The following TSBP1 variants were observed in gnomAD, a reference collection of about 807,000 sequenced individuals.
TSBP1 encodes testis expressed basic protein 1.
Under a neutral mutation model 68.8 loss-of-function variants are expected in TSBP1, and 56 were observed. The ratio of observed to expected loss-of-function variants is 0.81; its 90% CI spans 0.66 to 1.02. The LOEUF (loss-of-function observed/expected upper bound fraction) is 1.02, where lower values mean the gene tolerates loss of function less well. Ranked by LOEUF, TSBP1 falls within the 50% of genes least tolerant of loss-of-function variation. The pLI is 0.00. For synonymous variants in TSBP1, 171 were observed against 208.7 expected (o/e 0.82, Z 1.56); for missense variants, 502 against 641.2 (o/e 0.78, Z 2.34).
chr6:32,330,605 T>C, exon 16 of TSBP1: 1 of 1,603,378 alleles, frequency 6.2e-7, no homozygotes, highest in East Asian at 2.2e-5. Context: ...ATCCAGGATA[T>C]TGTACTAAAA....
chr6:32,303,045 A>G (rs910875429), intron 19 of TSBP1, among the ~76,000 whole-genome samples: 3 of 152,152 alleles, frequency 2.0e-5, no homozygotes, highest in African/African-American at 7.2e-5. Context: ...TCTCTCTTAT[A>G]GCTTCTTTTT....
In TSBP1 at chr6:32,302,170, T is replaced by G. The variant is rs1456991253; in HGVS notation, c.601+439A>C. Among the ~76,000 whole-genome samples the G allele has an allele frequency of 6.6e-6, 1 of 152,186 alleles. No homozygotes were observed. The highest frequency in any genetic ancestry group is 1.9e-4 in the East Asian group (1 of 5,176). On this transcript the variant is annotated intron_variant, in intron 20 of 22. Transcript: ENST00000612031. The surrounding 1 kb of genome is among the most constrained non-coding windows in gnomAD (Gnocchi z 5.1). ...TAAGGCTTATAAAATTTAAAATATT[T>G]GGCTGGGCATGGTGGCTTATACCTG...
chr6:32,339,634 A>G (rs1490803713), exon 10 of TSBP1: 2 of 1,209,796 alleles, frequency 1.7e-6, no homozygotes, highest in South Asian at 1.3e-5. Context: ...AACATTTTAT[A>G]CTACCTATAA....
chr6:32,324,294 T>G, intron 16 of TSBP1: 1 of 320,900 alleles, frequency 3.1e-6, no homozygotes, highest in South Asian at 3.5e-5. Context: ...GAGGTTCAAA[T>G]GAAAAAGGGT....
chr6:32,341,174 T>C (rs1770305859), intron 9 of TSBP1, among the ~76,000 whole-genome samples: 1 of 152,196 alleles, frequency 6.6e-6, no homozygotes, highest in Non-Finnish European at 1.5e-5. Context: ...GGAAGGTATT[T>C]ACTTGTTGCC....
In TSBP1 at chr6:32,357,302, C is replaced by CAA. The variant is rs1200742824; in HGVS notation, c.218-1634_218-1633insTT. Among the ~76,000 whole-genome samples the CAA allele has an allele frequency of 2.6e-5, 4 of 152,108 alleles. No individual in the cohort carries two copies. The highest frequency in any genetic ancestry group is 5.9e-5 in the Non-Finnish European group (4 of 67,998). On this transcript the variant is annotated intron_variant, in intron 6 of 22. Coordinates refer to ENST00000612031, the Ensembl canonical transcript of TSBP1. This position sits in a 1 kb window ranked among gnomAD's most constrained non-coding sequence, Gnocchi z 4.7. The stretch of plus-strand genomic sequence containing the variant: ...AAGATACTAAGATTGTAGGCTTGTA[C>CAA]ACTAAAGATCTGTAAACAGGAAATT...
At position 32,368,541 on chromosome 6, in the gene TSBP1, C is replaced by T. The variant is rs375774589; in HGVS notation, c.133+241G>A. On this transcript the variant is annotated intron_variant, in intron 3 of 22. Transcript: ENST00000612031. The stretch of plus-strand genomic sequence containing the variant: ...GACCACAGGAAGCATCTGAAGGGAG[C>T]CTCAGAATTATGCAGGCCTACCCAG... Among the ~76,000 whole-genome samples, 3 of 152,096 alleles carry T rather than the reference C, an allele frequency of 2.0e-5. No homozygotes were observed. The East Asian group carries it at 5.8e-4, about 29-fold the overall frequency.
At position 32,293,365 on chromosome 6, in the gene TSBP1, T is replaced by C. The variant is rs755447634; in HGVS notation, c.1308A>G (p.Pro436=). Residue 436 remains proline, a synonymous_variant, in exon 23 of 23, where the codon CCA becomes CCG. Transcript: ENST00000612031. Reference sequence around the variant, plus strand: ...TCTTTTCTTGGACCTCTTGTTCCTTTGGCACATCTGCCTCAGTCTTCTCTA... The same window carrying C: ...TCTTTTCTTGGACCTCTTGTTCCTTCGGCACATCTGCCTCAGTCTTCTCTA... The C allele has an allele frequency of 1.9e-6, 3 of 1,613,006 alleles. No individual in the cohort carries two copies. The South Asian group carries it at 3.3e-5, about 18-fold the overall frequency.
chr6:32,295,925 A>C (rs1764670211), intron 22 of TSBP1, among the ~76,000 whole-genome samples: 1 of 150,998 alleles, frequency 6.6e-6, no homozygotes, highest in Non-Finnish European at 1.5e-5. Flanking sequence ...GCTCACCGCA[A>C]CCTTTGCCTC....
intron 16 of TSBP1, chr6:32,324,769 A>G (rs1332819176): frequency 6.6e-7 from 1 of 1,505,252 alleles, no homozygotes; most frequent in Non-Finnish European, 8.9e-7. Context: ...TACTAGTGAT[A>G]TACTTGCTTG....
chr6:32,319,029 T>C (rs1451094811), intron 18 of TSBP1, among the ~76,000 whole-genome samples: 2 of 152,208 alleles, frequency 1.3e-5, no homozygotes, highest in Non-Finnish European at 2.9e-5. Context: ...GCTTGAAGCC[T>C]GCTAAGGTCA....
intron 9 of TSBP1, among the ~76,000 whole-genome samples, chr6:32,348,715 T>G (rs1271625687): frequency 2.6e-5 from 4 of 152,184 alleles, no homozygotes; most frequent in Non-Finnish European, 5.9e-5. Flanking sequence ...CTATATGCCT[T>G]GGGTCAAGTT....
chr6:32,316,897 G>A lies in TSBP1; in HGVS notation c.560-1105C>T, dbSNP rs1767017051. Among the ~76,000 whole-genome samples the A allele has an allele frequency of 6.6e-6, 1 of 152,090 alleles. No homozygotes were observed. On this transcript the variant is annotated intron_variant, in intron 18 of 22. Transcript: ENST00000612031. This position sits in a 1 kb window ranked among gnomAD's most constrained non-coding sequence, Gnocchi z 4.5. ...GCGGATCACGAGGTCAGGAGATCAA[G>A]ACCATCCTGGCGAACACTGTGATGT...
intron 6 of TSBP1, among the ~76,000 whole-genome samples, chr6:32,356,058 G>A (rs1452479897): frequency 6.6e-6 from 1 of 152,188 alleles, no homozygotes; most frequent in Non-Finnish European, 1.5e-5. Flanking sequence ...GCGATTGAAT[G>A]TGCATCCTAT....
intron 22 of TSBP1, among the ~76,000 whole-genome samples, chr6:32,295,769 C>G (rs550165982): frequency 6.6e-6 from 1 of 151,838 alleles, no homozygotes; most frequent in South Asian, 2.1e-4. Context: ...CTCTCTAATT[C>G]AATCAAGACA....
chr6:32,350,867 T>C (rs12662503), intron 8 of TSBP1, among the ~76,000 whole-genome samples: 3,465 of 152,220 alleles, frequency 0.023, 60 homozygotes, highest in South Asian at 0.047. Context: ...AGGACTTGAT[T>C]CATTTTTGTT....
chr6:32,308,171 A>AT (rs917464952), intron 19 of TSBP1, among the ~76,000 whole-genome samples: 11 of 151,666 alleles, frequency 7.3e-5, no homozygotes, highest in Non-Finnish European at 7.4e-5. Context: ...TATTTTTCTT[A>AT]TTTTTTTATA....
rs866599155 is a variant in TSBP1, at chr6:32,332,685, C to T, written c.473-631G>A. Among the ~76,000 whole-genome samples, 47 of 152,196 alleles carry T rather than the reference C, an allele frequency of 3.1e-4. 1 individual carries two copies. The highest frequency in any genetic ancestry group is 1.1e-3 in the African/African-American group (46 of 41,526). ...AATGCAGTGGTGCAATCCTAGCTCA[C>T]TACAGTCTCGACCTCCTGGGCTCAA... On this transcript the variant is annotated intron_variant, in intron 14 of 22. Coordinates refer to ENST00000612031, the Ensembl canonical transcript of TSBP1.
rs866174675 is a variant in TSBP1 at position 32,354,126 on chromosome 6, G to C, written c.259+998C>G. On this transcript the variant is annotated intron_variant, in intron 8 of 22. Coordinates refer to ENST00000612031, the Ensembl canonical transcript of TSBP1. ...GAGAGTGAGTAGAGGCCTTCTAAAA[G>C]TCAAGAGACAGCATAAAAATTTAAA... is the stretch of plus-strand genomic sequence containing the variant. 3.1e-4 allele frequency among the ~76,000 whole-genome samples: 47 copies of C among 152,008 alleles called. 1 individual carries two copies. Among genetic ancestry groups the C allele is most frequent in the African/African-American group, 1.1e-3 (46 of 41,548 alleles).
Sources: gnomAD v4.1 joint callset for allele counts (sites outside exome capture counted in the v4.1 genomes callset) on GRCh38, gnomAD v4.1.1 for gene constraint, Gnocchi (gnomAD v3.1) non-coding constraint, MANE v1.5 for transcripts, NCBI Gene and HGNC (gene_info 2026-07-23, HGNC 2026-07-21) for gene names.